GFI1B: variants seen among roughly 807,000 people sequenced by gnomAD.
The protein encoded by GFI1B is zinc finger protein Gfi-1b.
GFI1B carries 20 observed loss-of-function variants against 35.3 expected under a neutral mutation model. The ratio of observed to expected loss-of-function variants is 0.57; its 90% confidence interval spans 0.40 to 0.82. The LOEUF (loss-of-function observed/expected upper bound fraction) is 0.82. Ranked by LOEUF, GFI1B falls within the 40% of genes least tolerant of loss-of-function variation. The probability of loss-of-function intolerance (pLI) is 0.00; values close to 1 mark genes in which losing one functional copy is unlikely to be tolerated. For synonymous variants in GFI1B, 178 were observed against 177.6 expected (o/e 1.00, Z -0.02); for missense variants, 430 against 446.3 (o/e 0.96, Z 0.33).
intron 1 of GFI1B, among the ~76,000 whole-genome samples, chr9:132,984,351 A>G (rs1338473580): frequency 6.6e-6 from 1 of 152,090 alleles, no homozygotes; most frequent in African/African-American, 2.4e-5. Context: ...GGGAGGAGGC[A>G]AGAGGAGGAA....
chr9:132,957,651 T>G (rs1564523616), intron 1 of GFI1B, among the ~76,000 whole-genome samples: 1 of 151,752 alleles, frequency 6.6e-6, no homozygotes, highest in Non-Finnish European at 1.5e-5. Flanking sequence ...AAAAGACACT[T>G]TAGTAGCAGA....
At chr9:132,954,839 C>T (rs750741570) in intron 1 of GFI1B, among the ~76,000 whole-genome samples, 12 of 151,844 alleles carry the variant, frequency 7.9e-5, no homozygotes, top group Non-Finnish European at 1.6e-4. Context: ...CTGACTCAGC[C>T]TCCCGAGTAG....
chr9:132,989,323 C>T lies in GFI1B; in HGVS notation c.648+125C>T, dbSNP rs1240210089. ...GGGGTGACACAGATTGGGAGGGGTCCCCTAGTACCCACCTCCCTGGGTCTG... is the reference window on the plus strand; with the variant it reads ...GGGGTGACACAGATTGGGAGGGGTCTCCTAGTACCCACCTCCCTGGGTCTG... On this transcript the variant is annotated intron_variant, in intron 5 of 6. Coordinates refer to ENST00000372122, the MANE Select transcript of GFI1B (RefSeq NM_001377304.1). The surrounding 1 kb of genome is among the most constrained non-coding windows in gnomAD (Gnocchi z 6.2). 1.6e-4 allele frequency: 147 copies of T among 909,564 alleles called. 1 individual carries two copies. Among genetic ancestry groups the T allele is most frequent in the Non-Finnish European group, 2.5e-4 (141 of 571,510 alleles). The allele number at this position is 909,564 out of a possible 1,614,324, so 56.3% of individuals were successfully genotyped here. A position where few individuals can be genotyped will look rare whatever the true frequency, so the allele number is the denominator to read the frequency against.
chr9:132,978,554 G>A (rs908837745), upstream of GFI1B: 2 of 152,196 alleles, frequency 1.3e-5, no homozygotes, highest in Non-Finnish European at 2.9e-5. Context: ...ATGAGAATTC[G>A]AAGTCTTGTG....
Position 132,990,951 on chromosome 9 carries a change from C to T in GFI1B, c.894C>T (p.His298=), listed in dbSNP as rs1239675333. The T allele has an allele frequency of 1.9e-6, 3 of 1,614,084 alleles. No homozygotes were observed. The highest frequency in any genetic ancestry group is 1.7e-6 in the Non-Finnish European group (2 of 1,180,004). Residue 298 remains histidine, a synonymous_variant, in exon 7 of 7, where the codon CAC becomes CAT. Transcript: ENST00000372122. ...SSNLITHSRK[H]TGFKPFSCEL... is the part of the protein sequence containing the mutation. ...ACCTCATCACCCACAGCCGCAAGCA[C>T]ACAGGCTTCAAGCCCTTCAGCTGTG...
At position 132,989,963 on chromosome 9, in the gene GFI1B, G is replaced by T; in HGVS notation, c.814+56G>T. On this transcript the variant is annotated intron_variant, in intron 6 of 6. Transcript: ENST00000372122. This position sits in a 1 kb window ranked among gnomAD's most constrained non-coding sequence, Gnocchi z 6.2. ...GGGCAGAGCACCCCCACCTTTCCCT[G>T]AGAGATGCATCAGAGGCCCCCAGCG... is the stretch of plus-strand genomic sequence containing the variant. 2 of 1,511,542 alleles carry T rather than the reference G, an allele frequency of 1.3e-6. No homozygotes were observed. Among genetic ancestry groups the T allele is most frequent in the Non-Finnish European group, 1.8e-6 (2 of 1,088,576 alleles). 93.6% of individuals were successfully genotyped at this position (1,511,542 alleles called of 1,614,324 possible).
At chr9:132,988,631 C>G (rs75800528) in intron 4 of GFI1B, among the ~76,000 whole-genome samples, 163 bp downstream of exon 4, 1 of 152,160 alleles carries the variant, frequency 6.6e-6, no homozygotes, top group African/African-American at 2.4e-5. Context: ...GCTCTGACCA[C>G]GTGCCTGGCC....
chr9:132,960,404 AC>A (rs1170882480), intron 1 of GFI1B, among the ~76,000 whole-genome samples: 1 of 152,172 alleles, frequency 6.6e-6, no homozygotes, highest in Admixed American at 6.5e-5. Flanking sequence ...GCAACGCAGA[AC>A]CCCTGGAAGT....
intron 1 of GFI1B, among the ~76,000 whole-genome samples, chr9:132,972,323 G>A (rs1270729676): frequency 1.1e-4 from 16 of 151,980 alleles, no homozygotes. Context: ...TCGGGAGGCT[G>A]AGGCAGGAGA....
chr9:132,987,328 A>G lies in GFI1B; in HGVS notation c.147A>G (p.Leu49=). 6.2e-7 allele frequency: 1 copy of G among 1,614,204 alleles called. No individual in the cohort carries two copies. ...GCAACAGCCCTGTCCTTAGCACTCT[A>G]TTCCCAAACCAGTGCCTGGACTGGA... ...APSNSPVLST[L]FPNQCLDWTN... The change falls in exon 3 of 7, where the codon CTA becomes CTG. Residue 49 remains leucine, a synonymous_variant. Coordinates refer to ENST00000372122, the MANE Select transcript of GFI1B (RefSeq NM_001377304.1).
intron 1 of GFI1B, among the ~76,000 whole-genome samples, chr9:132,955,719 G>T (rs1378432346): frequency 6.6e-6 from 1 of 151,924 alleles, no homozygotes. Flanking sequence ...AACATAAACG[G>T]ATTGGTTGAT....
At chr9:132,992,377 G>A (rs373972452), downstream of GFI1B, among the ~76,000 whole-genome samples, 5 of 152,184 alleles carry the variant, frequency 3.3e-5, no homozygotes, top group East Asian at 7.7e-4. Flanking sequence ...TGAGTGTGAC[G>A]CTATAGGGTA....
chr9:132,991,096 G>A lies in GFI1B; in HGVS notation c.*46G>A. On this transcript the variant is annotated 3_prime_UTR_variant, in exon 7 of 7. Transcript: ENST00000372122. ...CCTGGCCAGCCTGCCCTGCGGTCCT[G>A]TCACCTGGAGGCCAGCCTCACATGC... The A allele has an allele frequency of 6.4e-7, 1 of 1,555,728 alleles. No homozygotes were observed. The highest frequency in any genetic ancestry group is 1.4e-5 in the African/African-American group (1 of 74,060).
intron 1 of GFI1B, among the ~76,000 whole-genome samples, chr9:132,962,187 G>C (rs991027655): frequency 6.7e-6 from 1 of 148,984 alleles, no homozygotes; most frequent in African/African-American, 2.5e-5. Context: ...ACACAGGCTG[G>C]AGTACAGTGG....
At chr9:132,975,816 G>A (rs1269662551), upstream of GFI1B, among the ~76,000 whole-genome samples, 1 of 152,246 alleles carries the variant, frequency 6.6e-6, no homozygotes, top group Non-Finnish European at 1.5e-5. Flanking sequence ...AAATGAAGGT[G>A]TTGACTCCAG....
chr9:132,976,777 C>A (rs1041042675), upstream of GFI1B, among the ~76,000 whole-genome samples: 3 of 151,820 alleles, frequency 2.0e-5, no homozygotes, highest in Admixed American at 1.3e-4. Context: ...GACCCCATCT[C>A]TAAAAAAAAT....
intron 1 of GFI1B, among the ~76,000 whole-genome samples, chr9:132,971,371 C>T (rs1848530106): frequency 6.6e-6 from 1 of 152,152 alleles, no homozygotes; most frequent in Non-Finnish European, 1.5e-5. Flanking sequence ...TGAGGCACAC[C>T]AGCCATCTCG....
At chr9:132,986,816 G>A (rs377598720) in intron 2 of GFI1B, 38 bp downstream of exon 2, 524 of 1,281,594 alleles carry the variant, frequency 4.1e-4, no homozygotes, top group African/African-American at 3.2e-3. Flanking sequence ...CTGCACCCAC[G>A]GGGGGCTCTC....
At chr9:132,962,409 A>T in intron 1 of GFI1B, 1 of 312,594 alleles carries the variant, frequency 3.2e-6, no homozygotes, top group African/African-American at 2.2e-5. Flanking sequence ...AGAGTGCGGG[A>T]TTACAAGTGT....
Sources: gnomAD v4.1 joint callset for allele counts (sites outside exome capture counted in the v4.1 genomes callset) on GRCh38, gnomAD v4.1.1 for gene constraint, Gnocchi (gnomAD v3.1) non-coding constraint, MANE v1.5 for transcripts, NCBI Gene and HGNC (gene_info 2026-07-23, HGNC 2026-07-21) for gene names.